POLR1A: variants seen among roughly 807,000 people sequenced by gnomAD.
POLR1A encodes RNA polymerase I subunit A, also known as DNA-directed RNA polymerase I subunit RPA1.
In POLR1A, 84 loss-of-function variants were observed where a neutral mutation model predicts 205.3. That is an observed-to-expected ratio of 0.41 (90% CI 0.34 to 0.49). POLR1A has a LOEUF of 0.49. POLR1A is among the 20% of genes least tolerant of loss of function. The pLI is 0.22. For missense variants in POLR1A, 1,645 were observed against 2,204.5 expected (o/e 0.75, Z 5.08); for synonymous variants, 799 against 863.7 (o/e 0.93, Z 1.31).
In POLR1A at chr2:86,022,313, G is replaced by A. The variant is rs1393423743; in HGVS notation, c.*5110C>T. 1 of 152,236 alleles carries A rather than the reference G, an allele frequency of 6.6e-6. No homozygotes were observed. Among genetic ancestry groups the A allele is most frequent in the Non-Finnish European group, 1.5e-5 (1 of 68,064 alleles). The allele number at this position is 152,236 out of a possible 1,614,324, so 9.4% of individuals were successfully genotyped here. The stretch of plus-strand genomic sequence containing the variant: ...CTTTGGACCCCACTGTAAAGTCCTT[G>A]CAGACATCTGTCATGGCACGATGAC... On this transcript the variant is annotated 3_prime_UTR_variant, in exon 34 of 34. Transcript: ENST00000263857.
chr2:86,046,259 G>A (rs970390126), intron 19 of POLR1A, among the ~76,000 whole-genome samples: 1 of 152,070 alleles, frequency 6.6e-6, no homozygotes, highest in African/African-American at 2.4e-5. Flanking sequence ...GGGAGACTCT[G>A]TCTTATTTTC....
In POLR1A at chr2:86,050,344, C is replaced by T. The variant is rs140057878; in HGVS notation, c.2393-1102G>A. Reference sequence around the variant, plus strand: ...GGGCTGAAATATTTGGAATTCCCAACGCAAGGTCCTGGAGGGCTTCTAAGA... The same window carrying T: ...GGGCTGAAATATTTGGAATTCCCAATGCAAGGTCCTGGAGGGCTTCTAAGA... On this transcript the variant is annotated intron_variant, in intron 16 of 33. Transcript: ENST00000263857. Among the ~76,000 whole-genome samples, 346 of 152,310 alleles carry T rather than the reference C, an allele frequency of 2.3e-3. 6 individuals are homozygous for T. The highest frequency in any genetic ancestry group is 7.8e-3 in the African/African-American group (325 of 41,554).
At chr2:86,038,886 A>C (rs1215902154) in intron 26 of POLR1A, 29 bp from the exon 27 acceptor site, 7 of 1,611,816 alleles carry the variant, frequency 4.3e-6, no homozygotes, top group East Asian at 4.5e-5. Context: ...AGAGAACTTG[A>C]CTTGTTCAGG....
At chr2:86,098,801 GAC>G in intron 2 of POLR1A, 41 bp from the exon 3 acceptor site, 1 of 1,599,810 alleles carries the variant, frequency 6.3e-7, no homozygotes, top group East Asian at 2.2e-5. Context: ...ATTAGAAAGA[GAC>G]ACAGTAGCCA....
In POLR1A at chr2:86,030,366, T is replaced by C; in HGVS notation, c.4609A>G (p.Asn1537Asp). The C allele has an allele frequency of 6.2e-7, 1 of 1,614,124 alleles. No individual in the cohort carries two copies. Among genetic ancestry groups the C allele is most frequent in the Non-Finnish European group, 8.5e-7 (1 of 1,179,982 alleles). The change falls in exon 31 of 34, where the codon AAC becomes GAC. Residue 1537 changes from asparagine to aspartate, a missense_variant. Transcript: ENST00000263857. ...VTVKLPLMKI[N>D]FDMSSLVVSL... ...ACTACCAGGGAGCTCATGTCAAAGT[T>C]GATCTTCATCAGAGGGAGCTTCACT...
chr2:86,083,243 C>T, intron 6 of POLR1A, 75 bp from the exon 7 acceptor site: 1 of 1,049,038 alleles, frequency 9.5e-7, no homozygotes, highest in South Asian at 1.3e-5. Flanking sequence ...TTTATCAATT[C>T]TTTATCCCCA....
At position 86,054,407 on chromosome 2, in the gene POLR1A, A is replaced by G. The variant is rs1025199589; in HGVS notation, c.2059-118T>C. 5.3e-6 allele frequency: 5 copies of G among 944,916 alleles called. No individual in the cohort carries two copies. The Admixed American group carries it at 1.2e-4, about 23-fold the overall frequency. The allele number at this position is 944,916 out of a possible 1,614,324, so 58.5% of individuals were successfully genotyped here. A position where few individuals can be genotyped will look rare whatever the true frequency, so the allele number is the denominator to read the frequency against. Reference sequence around the variant, plus strand: ...CCTTTTAGGACCTCCTGCCCTTGCAATGCCATTTCTGATGATCTCAGGTAT... The same window carrying G: ...CCTTTTAGGACCTCCTGCCCTTGCAGTGCCATTTCTGATGATCTCAGGTAT... On this transcript the variant is annotated intron_variant, in intron 14 of 33. Coordinates refer to ENST00000263857, the MANE Select transcript of POLR1A (RefSeq NM_015425.6).
chr2:86,079,671 T>A (rs776338893), intron 9 of POLR1A, among the ~76,000 whole-genome samples: 1 of 152,204 alleles, frequency 6.6e-6, no homozygotes, highest in East Asian at 1.9e-4. Flanking sequence ...CCAGTGATCC[T>A]CCCACCTCAG....
At chr2:86,085,312 AG>A (rs1236825562) in intron 6 of POLR1A, among the ~76,000 whole-genome samples, 3 of 152,204 alleles carry the variant, frequency 2.0e-5, no homozygotes, top group Non-Finnish European at 4.4e-5. Flanking sequence ...CTAATTCCTT[AG>A]GATAAAGTCA....
Position 86,048,913 on chromosome 2 carries a change from C to T in POLR1A, c.2605G>A (p.Val869Met), listed in dbSNP as rs1573810544. The T allele has an allele frequency of 6.2e-7, 1 of 1,614,194 alleles. No individual in the cohort carries two copies. The highest frequency in any genetic ancestry group is 8.5e-7 in the Non-Finnish European group (1 of 1,179,964). The change falls in exon 18 of 34, where the codon GTG becomes ATG. Residue 869 changes from valine to methionine, a missense_variant. Val to Met is a conservative substitution (Grantham distance 21, BLOSUM62 1). Coordinates refer to ENST00000263857, the MANE Select transcript of POLR1A (RefSeq NM_015425.6). ...NMIDLKFKEE[V>M]NHYSNEINKA... The stretch of plus-strand genomic sequence containing the variant: ...TTAATCTCATTGCTGTAATGGTTCA[C>T]TTCCTCCTTGAACTTCAGATCAATC...
At chr2:86,093,451 A>G (rs1318071062) in intron 3 of POLR1A, among the ~76,000 whole-genome samples, 2 of 152,226 alleles carry the variant, frequency 1.3e-5, no homozygotes, top group East Asian at 3.8e-4. Flanking sequence ...TGATACGATC[A>G]TCAAAAAATG....
intron 13 of POLR1A, among the ~76,000 whole-genome samples, chr2:86,068,397 G>C (rs1005489949): frequency 1.9e-5 from 2 of 107,890 alleles, no homozygotes; most frequent in Non-Finnish European, 2.0e-5. Context: ...GGGGGGGGGG[G>C]GCGGGTGTCG....
At position 86,042,118 on chromosome 2, in the gene POLR1A, G is replaced by A. The variant is rs1672622172; in HGVS notation, c.3358-15C>T. 11 of 1,590,082 alleles carry A rather than the reference G, an allele frequency of 6.9e-6. No homozygotes were observed. The highest frequency in any genetic ancestry group is 9.5e-6 in the Non-Finnish European group (11 of 1,159,982). On this transcript the variant is annotated splice_polypyrimidine_tract_variant and intron_variant, in intron 23 of 33. Transcript: ENST00000263857. ...ATCCTCAGCATCTGAACAGAAGGAT[G>A]GGTCTCAGCTATGTGGGAGGGATAC...
In POLR1A at chr2:86,027,936, G is replaced by A; in HGVS notation, c.5011C>T (p.Gln1671Ter). The A allele has an allele frequency of 6.2e-7, 1 of 1,614,220 alleles. No homozygotes were observed. ...GIRSNSSPLQ[Q>*]MTFETSFQFL... The stretch of plus-strand genomic sequence containing the variant: ...TGGAAGCTGGTTTCAAATGTCATCT[G>A]CTGTAGCGGGGAAGAGTTTGACCGG... The change falls in exon 33 of 34, where the codon CAG becomes TAG. Residue 1671 changes from glutamine (Q) to a stop codon, truncating the protein, a stop_gained. Transcript: ENST00000263857. LOFTEE classifies it high-confidence loss of function.
Position 86,021,890 on chromosome 2 carries a change from A to C in POLR1A, c.*5533T>G, listed in dbSNP as rs1690145877. The C allele has an allele frequency of 1.3e-5, 2 of 148,306 alleles. No homozygotes were observed. The highest frequency in any genetic ancestry group is 4.3e-4 in the South Asian group (2 of 4,684). The allele number at this position is 148,306 out of a possible 1,614,324, so 9.2% of individuals were successfully genotyped here. A position where few individuals can be genotyped will look rare whatever the true frequency, so the allele number is the denominator to read the frequency against. ...CAGTGACACCTGAGCCTGTGAATAA[A>C]CCAGGTCCTATCAGGGGGCAGTGTG... On this transcript the variant is annotated 3_prime_UTR_variant, in exon 34 of 34. Transcript: ENST00000263857.
At chr2:86,043,747 T>C (rs1195417044) in intron 22 of POLR1A, among the ~76,000 whole-genome samples, 2 of 152,212 alleles carry the variant, frequency 1.3e-5, no homozygotes, top group East Asian at 3.8e-4. Flanking sequence ...GCTCTGCCAC[T>C]CACCGACTGT....
At chr2:86,097,214 C>CAAAA (rs757210116) in intron 3 of POLR1A, among the ~76,000 whole-genome samples, 712 of 39,604 alleles carry the variant, frequency 0.018, 158 homozygotes, top group Non-Finnish European at 0.024. Flanking sequence ...CCCCAAAAGA[C>CAAAA]AAAAAAAAAA....
chr2:86,026,607 T>C lies in POLR1A; in HGVS notation c.*816A>G, dbSNP rs1422754949. 6.6e-6 allele frequency: 1 copy of C among 152,270 alleles called. No individual in the cohort carries two copies. Among genetic ancestry groups the C allele is most frequent in the African/African-American group, 2.4e-5 (1 of 41,422 alleles). The allele number at this position is 152,270 out of a possible 1,614,324, so 9.4% of individuals were successfully genotyped here. ...CCATAAGCAGGGCCTGTGGGGTGTATGGGGCAGAACATAGGCCTCCACACC... is the reference window on the plus strand; with the variant it reads ...CCATAAGCAGGGCCTGTGGGGTGTACGGGGCAGAACATAGGCCTCCACACC... On this transcript the variant is annotated 3_prime_UTR_variant, in exon 34 of 34. Coordinates refer to ENST00000263857, the MANE Select transcript of POLR1A (RefSeq NM_015425.6).
intron 18 of POLR1A, among the ~76,000 whole-genome samples, chr2:86,048,503 G>C (rs979862724): frequency 6.6e-6 from 1 of 152,180 alleles, no homozygotes; most frequent in African/African-American, 2.4e-5. Context: ...GCCAGGACTG[G>C]AACCTGAGCC....
Sources: allele counts gnomAD v4.1 joint callset (sites outside exome capture counted in the v4.1 genomes callset), GRCh38; gene constraint gnomAD v4.1.1; transcripts MANE v1.5; gene names NCBI Gene and HGNC (gene_info 2026-07-23, HGNC 2026-07-21).